Variants in GALNT13 observed in about 807,000 individuals in gnomAD.
The protein encoded by GALNT13 is polypeptide N-acetylgalactosaminyltransferase 13.
In GALNT13, 28 loss-of-function variants were observed where a neutral mutation model predicts 64.2. The ratio of observed to expected loss-of-function variants is 0.44; its 90% CI spans 0.32 to 0.60. The LOEUF (loss-of-function observed/expected upper bound fraction) is 0.60. Ranked by LOEUF, GALNT13 falls within the 20% of genes least tolerant of loss-of-function variation. The probability of loss-of-function intolerance (pLI) is 0.05; values close to 1 mark genes in which losing one functional copy is unlikely to be tolerated. For missense variants in GALNT13, 577 were observed against 669.8 expected, an observed-to-expected ratio of 0.86 and a Z score of 1.53; for synonymous variants, 214 against 224.6, an observed-to-expected ratio of 0.95 and a Z score of 0.42.
chr2:153,835,765 A>C, the GALNT13 span, among the ~76,000 whole-genome samples: 1 of 152,066 alleles, frequency 6.6e-6, no homozygotes, highest in African/African-American at 2.4e-5. Flanking sequence ...AATACTTTAA[A>C]TATATGTTTC....
the GALNT13 span, among the ~76,000 whole-genome samples, chr2:153,492,954 C>A: frequency 1.3e-5 from 2 of 151,306 alleles, no homozygotes; most frequent in South Asian, 4.2e-4. Flanking sequence ...ATGGGTCAAA[C>A]GGAAAAAAAG....
chr2:153,621,408 C>A, the GALNT13 span, among the ~76,000 whole-genome samples: 2 of 152,100 alleles, frequency 1.3e-5, no homozygotes, highest in African/African-American at 4.8e-5. Flanking sequence ...GAAGCCAGAA[C>A]AGCACTGGGT....
the GALNT13 span, among the ~76,000 whole-genome samples, chr2:153,231,354 A>G: frequency 1.3e-5 from 2 of 152,148 alleles, no homozygotes; most frequent in African/African-American, 4.8e-5. Context: ...TTCTGGGGAG[A>G]GTTTACAGAT....
intron 3 of GALNT13, among the ~76,000 whole-genome samples, chr2:154,068,677 C>G (rs1387194366): frequency 6.6e-6 from 1 of 151,882 alleles, no homozygotes; most frequent in East Asian, 1.9e-4. Context: ...AAAATTACAA[C>G]AATCGAACTC....
chr2:153,446,999 A>G, the GALNT13 span: 1 of 152,354 alleles, frequency 6.6e-6, no homozygotes, highest in South Asian at 2.1e-4. Context: ...AAATATACAT[A>G]GACACACATA....
the GALNT13 span, among the ~76,000 whole-genome samples, chr2:153,761,234 T>A: frequency 6.6e-6 from 1 of 152,194 alleles, no homozygotes; most frequent in Non-Finnish European, 1.5e-5. Flanking sequence ...AAGTAATTAG[T>A]GATAGGTAAG....
At chr2:153,646,908 G>C in the GALNT13 span, among the ~76,000 whole-genome samples, 1 of 152,108 alleles carries the variant, frequency 6.6e-6, no homozygotes, top group Non-Finnish European at 1.5e-5. Flanking sequence ...ATTGTGAGTA[G>C]TGCCGCAATA....
At position 154,382,787 on chromosome 2, in the gene GALNT13, G is replaced by GTT. The variant is rs11307476; in HGVS notation, c.1157-13193_1157-13192dup. Among the ~76,000 whole-genome samples, 334 of 149,768 alleles carry GTT rather than the reference G, an allele frequency of 2.2e-3. 1 individual carries two copies. The highest frequency in any genetic ancestry group is 7.7e-3 in the African/African-American group (312 of 40,770). On this transcript the variant is annotated intron_variant, in intron 9 of 12. Transcript: ENST00000392825. ...CACAAATAACATGTTCTCTTAAAAC[G>GTT]TTTTTTTTTTTTAAATATAAGTTTC...
chr2:153,674,234 G>A, the GALNT13 span, among the ~76,000 whole-genome samples: 9 of 152,094 alleles, frequency 5.9e-5, no homozygotes, highest in South Asian at 2.1e-4. Context: ...AAAAGAGCCC[G>A]CATTGCCAAG....
At chr2:153,827,749 A>C in the GALNT13 span, among the ~76,000 whole-genome samples, 2 of 152,096 alleles carry the variant, frequency 1.3e-5, no homozygotes, top group Non-Finnish European at 2.9e-5. Flanking sequence ...GCAGTCCTCC[A>C]AAGTCTTAAC....
intron 4 of GALNT13, among the ~76,000 whole-genome samples, chr2:154,180,530 G>GTT (rs142240096): frequency 6.6e-6 from 1 of 151,618 alleles, no homozygotes; most frequent in East Asian, 1.9e-4. Context: ...AAATAGATTT[G>GTT]TTTTTTTCTG....
At chr2:153,414,674 C>T in the GALNT13 span, among the ~76,000 whole-genome samples, 1 of 152,078 alleles carries the variant, frequency 6.6e-6, no homozygotes, top group South Asian at 2.1e-4. Context: ...GAGACTTTAA[C>T]AAGTAAGAGA....
At chr2:153,730,577 C>T in the GALNT13 span, among the ~76,000 whole-genome samples, 9 of 151,900 alleles carry the variant, frequency 5.9e-5, no homozygotes, top group South Asian at 1.9e-3. Context: ...AAAGCTTCTT[C>T]ACAACAAAAG....
chr2:153,986,835 A>G (rs1047160753), intron 3 of GALNT13, among the ~76,000 whole-genome samples: 3 of 151,980 alleles, frequency 2.0e-5, no homozygotes, highest in African/African-American at 2.4e-5. Flanking sequence ...AGGATCTTCT[A>G]TGTCCTGGTA....
intron 3 of GALNT13, among the ~76,000 whole-genome samples, chr2:153,965,154 A>C (rs969341887): frequency 6.6e-6 from 1 of 152,166 alleles, no homozygotes; most frequent in African/African-American, 2.4e-5. Flanking sequence ...AATCAGGGTA[A>C]TGGAGATATG....
the GALNT13 span, among the ~76,000 whole-genome samples, chr2:153,611,948 C>T: frequency 2.6e-5 from 4 of 151,354 alleles, no homozygotes; most frequent in South Asian, 4.2e-4. Context: ...TGAGTGACAA[C>T]GTGTGGTGTT....
intron 3 of GALNT13, among the ~76,000 whole-genome samples, chr2:153,949,942 A>AT (rs1692049805): frequency 6.6e-6 from 1 of 152,094 alleles, no homozygotes; most frequent in South Asian, 2.1e-4. Context: ...TGCCTAACTC[A>AT]TGTCATGAAG....
chr2:153,891,846 C>T lies in GALNT13; in HGVS notation c.-176-9090C>T, dbSNP rs543117648. On this transcript the variant is annotated intron_variant, in intron 1 of 12. Transcript: ENST00000392825. ...TCTATTCCAAATGACCTTTTTTGGCCTTGCATCTCACTTTTTACCCCCTCT... is the reference window on the plus strand; with the variant it reads ...TCTATTCCAAATGACCTTTTTTGGCTTTGCATCTCACTTTTTACCCCCTCT... Among the ~76,000 whole-genome samples the T allele has an allele frequency of 1.3e-4, 20 of 151,894 alleles. 1 individual carries two copies. The South Asian group carries it at 4.2e-3, about 32-fold the overall frequency.
the GALNT13 span, among the ~76,000 whole-genome samples, chr2:153,320,655 T>C: frequency 6.6e-6 from 1 of 152,214 alleles, no homozygotes; most frequent in Non-Finnish European, 1.5e-5. Flanking sequence ...TCTGTATCAC[T>C]GACACATTTA....
Sources: allele counts gnomAD v4.1 joint callset (sites outside exome capture counted in the v4.1 genomes callset), GRCh38; gene constraint gnomAD v4.1.1; transcripts MANE v1.5; gene names NCBI Gene and HGNC (gene_info 2026-07-23, HGNC 2026-07-21).